ROBO2: variants seen among roughly 807,000 people sequenced by gnomAD.
ROBO2 encodes the protein roundabout guidance receptor 2.
Under a neutral mutation model 160.8 loss-of-function variants are expected in ROBO2, and 53 were observed. The ratio of observed to expected loss-of-function variants is 0.33; its 90% confidence interval spans 0.26 to 0.41. ROBO2 has a LOEUF of 0.41. ROBO2 is among the 10% of genes least tolerant of loss of function. The probability of loss-of-function intolerance (pLI) is 1.00; values close to 1 mark genes in which losing one functional copy is unlikely to be tolerated. For missense variants in ROBO2, 1,577 were observed against 1,722.4 expected, an observed-to-expected ratio of 0.92 and a Z score of 1.49; for synonymous variants, 664 against 611.7, an observed-to-expected ratio of 1.09 and a Z score of -1.26.
At chr3:76,959,907 C>T (rs547917400) in intron 2 of ROBO2, among the ~76,000 whole-genome samples, 3 of 151,994 alleles carry the variant, frequency 2.0e-5, no homozygotes, top group African/African-American at 7.2e-5. Flanking sequence ...TCAAAATATT[C>T]TGGTGCCTAA....
intron 2 of ROBO2, among the ~76,000 whole-genome samples, chr3:76,281,538 A>G (rs1007670721): frequency 1.3e-5 from 2 of 151,882 alleles, no homozygotes; most frequent in Non-Finnish European, 2.9e-5. Context: ...TTTTCCTACC[A>G]CTATAGCCAG....
At chr3:77,530,171 A>G (rs968474361) in intron 6 of ROBO2, among the ~76,000 whole-genome samples, 1 of 152,008 alleles carries the variant, frequency 6.6e-6, no homozygotes, top group Non-Finnish European at 1.5e-5. Context: ...GGAGAAAAAA[A>G]CAGCTTGTAG....
intron 1 of ROBO2, among the ~76,000 whole-genome samples, chr3:77,089,024 C>T (rs950341811): frequency 6.6e-6 from 1 of 152,142 alleles, no homozygotes; most frequent in East Asian, 1.9e-4. Context: ...TTCCACTTAC[C>T]TCAAGTTTGG....
rs1192554213 is a variant in ROBO2, at chr3:77,281,944, T to G, written c.388+183604T>G. Among the ~76,000 whole-genome samples, 6 of 152,306 alleles carry G rather than the reference T, an allele frequency of 3.9e-5. No homozygotes were observed. The East Asian group carries it at 1.2e-3, about 29-fold the overall frequency. On this transcript the variant is annotated intron_variant, in intron 2 of 25. Transcript: ENST00000461745. ...TCAGGCGGTAATGCTCGCTCCCTCC[T>G]GCTGTGCAGCCCGTTTCCTACCAGG...
chr3:77,260,915 C>T (rs1456989273), intron 2 of ROBO2, among the ~76,000 whole-genome samples: 1 of 152,108 alleles, frequency 6.6e-6, no homozygotes, highest in African/African-American at 2.4e-5. Flanking sequence ...GGACTGCAGT[C>T]AGACAAGGAA....
chr3:77,390,930 G>T (rs1023788462), intron 2 of ROBO2, among the ~76,000 whole-genome samples: 3 of 151,970 alleles, frequency 2.0e-5, no homozygotes, highest in Non-Finnish European at 4.4e-5. Flanking sequence ...GCGAATGAAA[G>T]TTTTCCCTCC....
At chr3:77,526,979 T>A (rs575209812) in intron 6 of ROBO2, among the ~76,000 whole-genome samples, 1 of 151,610 alleles carries the variant, frequency 6.6e-6, no homozygotes, top group East Asian at 2.0e-4. Context: ...TGACTAACCA[T>A]GCTTAAAATC....
intron 2 of ROBO2, among the ~76,000 whole-genome samples, chr3:77,436,282 G>A (rs1216794955): frequency 2.0e-5 from 3 of 151,320 alleles, no homozygotes; most frequent in South Asian, 2.1e-4. Context: ...CCTCCCTGTC[G>A]AATAAAATTT....
upstream of ROBO2, among the ~76,000 whole-genome samples, chr3:77,039,244 T>A (rs578053446): frequency 1.3e-5 from 2 of 152,298 alleles, no homozygotes; most frequent in African/African-American, 4.8e-5. Context: ...ACACAACCTT[T>A]CCAGTCCAAA....
At chr3:77,591,090 G>A (rs114983052) in intron 17 of ROBO2, among the ~76,000 whole-genome samples, 2,804 of 152,126 alleles carry the variant, frequency 0.018, 105 homozygotes, top group African/African-American at 0.064. Flanking sequence ...ATATGAGTGA[G>A]CAAATTATGT....
chr3:77,516,238 G>C (rs2090004103), intron 5 of ROBO2, among the ~76,000 whole-genome samples: 1 of 151,228 alleles, frequency 6.6e-6, no homozygotes, highest in African/African-American at 2.4e-5. Flanking sequence ...AAACATCTAA[G>C]AACAGCTATA....
intron 2 of ROBO2, among the ~76,000 whole-genome samples, chr3:76,679,381 C>T (rs1221415656): frequency 2.0e-5 from 3 of 151,994 alleles, no homozygotes; most frequent in Non-Finnish European, 4.4e-5. Flanking sequence ...GGAGTCAACT[C>T]TCCTTTAAAA....
intron 2 of ROBO2, among the ~76,000 whole-genome samples, chr3:76,848,223 T>C (rs2068964468): frequency 6.6e-6 from 1 of 152,198 alleles, no homozygotes; most frequent in Non-Finnish European, 1.5e-5. Flanking sequence ...TCCAAATAAA[T>C]CTTATATTGA....
intron 1 of ROBO2, among the ~76,000 whole-genome samples, chr3:75,919,319 G>A (rs1238579102): frequency 6.6e-6 from 1 of 152,152 alleles, no homozygotes; most frequent in South Asian, 2.1e-4. Context: ...CATTGGTTCT[G>A]TTTATGTGAT....
At chr3:77,360,226 A>C (rs1207242336) in intron 2 of ROBO2, among the ~76,000 whole-genome samples, 1 of 151,298 alleles carries the variant, frequency 6.6e-6, no homozygotes. Context: ...AAATGCTCTA[A>C]GTTGCAACAG....
chr3:77,111,991 C>A (rs1451460911), intron 2 of ROBO2, among the ~76,000 whole-genome samples: 1 of 151,776 alleles, frequency 6.6e-6, no homozygotes, highest in African/African-American at 2.4e-5. Flanking sequence ...GTGGGCGGGT[C>A]GCTTGAGCCC....
At chr3:77,336,400 C>G (rs1009338440) in intron 2 of ROBO2, among the ~76,000 whole-genome samples, 1 of 151,316 alleles carries the variant, frequency 6.6e-6, no homozygotes, top group African/African-American at 2.4e-5. Context: ...ACCTCCCTCT[C>G]CTTCCCTTTG....
chr3:76,761,367 T>C (rs2061297573), intron 2 of ROBO2, among the ~76,000 whole-genome samples: 1 of 151,736 alleles, frequency 6.6e-6, no homozygotes, highest in Non-Finnish European at 1.5e-5. Context: ...AGGGTGACCA[T>C]ACATTCCAGT....
At chr3:76,125,381 C>G (rs1425067906) in intron 2 of ROBO2, among the ~76,000 whole-genome samples, 1 of 152,112 alleles carries the variant, frequency 6.6e-6, no homozygotes, top group Non-Finnish European at 1.5e-5. Flanking sequence ...ATTGCTGGGT[C>G]AAATGGTAGC....
Sources: allele counts gnomAD v4.1 joint callset (sites outside exome capture counted in the v4.1 genomes callset), GRCh38; gene constraint gnomAD v4.1.1; transcripts MANE v1.5; gene names NCBI Gene and HGNC (gene_info 2026-07-23, HGNC 2026-07-21).